Variants in ASB5 observed in about 807,000 individuals in gnomAD.
ASB5 encodes ankyrin repeat and SOCS box containing 5, also known as ankyrin repeat and SOCS box protein 5.
Under a neutral mutation model 42.1 loss-of-function variants are expected in ASB5, and 45 were observed. That is an observed-to-expected ratio of 1.07 (90% CI 0.84 to 1.37). The LOEUF is 1.37. Ranked by LOEUF, ASB5 falls within the 40% of genes most tolerant of loss-of-function variation. The probability of loss-of-function intolerance (pLI) is 0.00; values close to 1 mark genes in which losing one functional copy is unlikely to be tolerated. For synonymous variants in ASB5, 147 were observed against 150.6 expected, an observed-to-expected ratio of 0.98 and a Z score of 0.18; for missense variants, 402 against 399.8, an observed-to-expected ratio of 1.01 and a Z score of -0.05.
chr4:176,250,608 G>A (rs147374053), intron 1 of ASB5, among the ~76,000 whole-genome samples: 1 of 152,314 alleles, frequency 6.6e-6, no homozygotes, highest in Non-Finnish European at 1.5e-5. Context: ...AACAGGTCGA[G>A]AGAGGGGAGG....
At chr4:176,267,847 C>T (rs1321488823) in intron 1 of ASB5, among the ~76,000 whole-genome samples, 1 of 152,082 alleles carries the variant, frequency 6.6e-6, no homozygotes, top group Non-Finnish European at 1.5e-5. Context: ...AAAGATTTTC[C>T]ACCTTCACTC....
intron 5 of ASB5, among the ~76,000 whole-genome samples, chr4:176,219,122 T>TATATAA (rs1753089519): frequency 2.6e-5 from 3 of 116,120 alleles, no homozygotes; most frequent in African/African-American, 3.5e-5. Flanking sequence ...ATTTGTATGA[T>TATATAA]ATATATATTT....
At chr4:176,236,798 T>G (rs1753696090) in intron 1 of ASB5, among the ~76,000 whole-genome samples, 1 of 152,190 alleles carries the variant, frequency 6.6e-6, no homozygotes, top group South Asian at 2.1e-4. Flanking sequence ...TTAAAAATAA[T>G]TCCTCCTCTT....
chr4:176,266,270 G>A (rs540476068), intron 1 of ASB5, among the ~76,000 whole-genome samples: 2 of 152,194 alleles, frequency 1.3e-5, no homozygotes, highest in South Asian at 2.1e-4. Context: ...AATAATACAC[G>A]CCATCTCTTA....
intron 1 of ASB5, among the ~76,000 whole-genome samples, chr4:176,255,034 G>A (rs1245777808): frequency 2.0e-5 from 3 of 152,196 alleles, no homozygotes; most frequent in Admixed American, 6.5e-5. Flanking sequence ...GGAGGCTGAG[G>A]CAGGAGAATC....
chr4:176,256,660 C>T (rs979281274), intron 1 of ASB5, among the ~76,000 whole-genome samples: 6 of 152,004 alleles, frequency 3.9e-5, no homozygotes, highest in African/African-American at 1.5e-4. Flanking sequence ...TATGTTTTGC[C>T]AGGCGTGGTG....
At chr4:176,263,239 T>C (rs550941780) in intron 1 of ASB5, among the ~76,000 whole-genome samples, 1 of 152,290 alleles carries the variant, frequency 6.6e-6, no homozygotes, top group Non-Finnish European at 1.5e-5. Context: ...CCTGAGGCCC[T>C]CAGCAGGCAC....
chr4:176,271,282 A>G (rs1277442329), upstream of ASB5, among the ~76,000 whole-genome samples: 1 of 152,232 alleles, frequency 6.6e-6, no homozygotes, highest in Non-Finnish European at 1.5e-5. Context: ...CTCATAGCAT[A>G]CGAATTCTTC....
intron 1 of ASB5, among the ~76,000 whole-genome samples, chr4:176,243,967 A>G (rs1212532221): frequency 1.3e-5 from 2 of 152,224 alleles, no homozygotes; most frequent in Non-Finnish European, 2.9e-5. Context: ...GATATTACAA[A>G]AATTCAATCT....
chr4:176,236,747 G>A (rs2126959635), intron 1 of ASB5, among the ~76,000 whole-genome samples: 1 of 152,012 alleles, frequency 6.6e-6, no homozygotes, highest in Non-Finnish European at 1.5e-5. Context: ...TATCATACTG[G>A]TGTTCTACTA....
intron 5 of ASB5, among the ~76,000 whole-genome samples, chr4:176,217,600 G>T (rs73007124): frequency 1.3e-5 from 2 of 152,084 alleles, no homozygotes; most frequent in Non-Finnish European, 2.9e-5. Context: ...AAATCAAAAG[G>T]CACATTGATG....
At chr4:176,218,696 AAT>A (rs1177268605) in intron 5 of ASB5, among the ~76,000 whole-genome samples, 19 of 10,892 alleles carry the variant, frequency 1.7e-3, no homozygotes, top group African/African-American at 5.0e-3. Context: ...ATGATATATA[AAT>A]ATATATATAT....
intron 1 of ASB5, among the ~76,000 whole-genome samples, chr4:176,236,650 T>C (rs1373328711): frequency 6.6e-6 from 1 of 152,210 alleles, no homozygotes; most frequent in African/African-American, 2.4e-5. Flanking sequence ...CTCCAGCTAT[T>C]ACATAGTAAA....
chr4:176,237,606 T>A, intron 1 of ASB5: 1 of 981,908 alleles, frequency 1.0e-6, no homozygotes, highest in Non-Finnish European at 1.2e-6. Context: ...GGATCAGGGC[T>A]GGTAGGTGCA....
intron 1 of ASB5, among the ~76,000 whole-genome samples, chr4:176,262,668 C>T (rs1754286147): frequency 6.6e-6 from 1 of 152,174 alleles, no homozygotes; most frequent in Non-Finnish European, 1.5e-5. Context: ...AAACTGTGTA[C>T]ACTGTTGGGA....
At chr4:176,221,408 G>T (rs776701520) in intron 4 of ASB5, 42 bp downstream of exon 4, 21 of 1,604,218 alleles carry the variant, frequency 1.3e-5, no homozygotes, top group Non-Finnish European at 2.6e-6. Context: ...GGTTGCTAAA[G>T]AAACTTTCTT....
intron 2 of ASB5, among the ~76,000 whole-genome samples, chr4:176,223,950 T>C (rs1026880197): frequency 1.3e-5 from 2 of 152,044 alleles, no homozygotes; most frequent in African/African-American, 4.8e-5. Context: ...TTTCCTCCCA[T>C]CAAGTGATGA....
intron 1 of ASB5, among the ~76,000 whole-genome samples, chr4:176,239,762 T>C (rs1561260304): frequency 6.6e-6 from 1 of 152,172 alleles, no homozygotes; most frequent in Non-Finnish European, 1.5e-5. Flanking sequence ...AAGAAGCCAT[T>C]GGATTTGAGT....
chr4:176,231,138 G>A (rs367730987), intron 1 of ASB5, among the ~76,000 whole-genome samples: 4 of 151,900 alleles, frequency 2.6e-5, no homozygotes, highest in East Asian at 3.9e-4. Flanking sequence ...ATATCTATGC[G>A]ATTTTGTAAG....
Sources: gnomAD v4.1 joint callset for allele counts (sites outside exome capture counted in the v4.1 genomes callset) on GRCh38, gnomAD v4.1.1 for gene constraint, MANE v1.5 for transcripts, NCBI Gene and HGNC (gene_info 2026-07-23, HGNC 2026-07-21) for gene names.